SRD5A2: variants seen among roughly 807,000 people sequenced by gnomAD.
The protein encoded by SRD5A2 is 3-oxo-5-alpha-steroid 4-dehydrogenase 2.
SRD5A2 carries 30 observed loss-of-function variants against 27.4 expected under a neutral mutation model. The ratio of observed to expected loss-of-function variants is 1.10; its 90% CI spans 0.82 to 1.49. The LOEUF is 1.49. Among genes scored for constraint, SRD5A2 ranks in the 40% most tolerant of loss-of-function variants. The probability of loss-of-function intolerance (pLI) is 0.00; values close to 1 mark genes in which losing one functional copy is unlikely to be tolerated. For synonymous variants in SRD5A2, 141 were observed against 133.6 expected (o/e 1.06, Z -0.38); for missense variants, 348 against 323.4 (o/e 1.08, Z -0.58).
At chr2:31,655,011 AG>A in the SRD5A2 span, among the ~76,000 whole-genome samples, 6 of 152,338 alleles carry the variant, frequency 3.9e-5, no homozygotes, top group South Asian at 1.2e-3. Flanking sequence ...TGAGTCAAAT[AG>A]GAGGGGAAAT....
intron 1 of SRD5A2, among the ~76,000 whole-genome samples, chr2:31,550,197 T>C (rs1193909619): frequency 2.0e-5 from 3 of 152,072 alleles, no homozygotes; most frequent in Non-Finnish European, 4.4e-5. Context: ...ATCTTTGTTT[T>C]TTGTAACCAC....
At chr2:31,604,464 A>T in the SRD5A2 span, among the ~76,000 whole-genome samples, 2 of 151,962 alleles carry the variant, frequency 1.3e-5, no homozygotes, top group African/African-American at 4.8e-5. Context: ...AAGTTGCAGA[A>T]TACAAAATCA....
chr2:31,604,304 GAA>G, the SRD5A2 span, among the ~76,000 whole-genome samples: 1 of 151,648 alleles, frequency 6.6e-6, no homozygotes, highest in South Asian at 2.1e-4. Flanking sequence ...ACAAGAGAAA[GAA>G]ATACAGGGCC....
At chr2:31,588,433 T>C in the SRD5A2 span, among the ~76,000 whole-genome samples, 1 of 152,128 alleles carries the variant, frequency 6.6e-6, no homozygotes, top group Non-Finnish European at 1.5e-5. Flanking sequence ...GTCCTCACAG[T>C]AGAAACCTTA....
At chr2:31,583,444 A>G (rs1178373099), upstream of SRD5A2, among the ~76,000 whole-genome samples, 1 of 152,114 alleles carries the variant, frequency 6.6e-6, no homozygotes, top group Non-Finnish European at 1.5e-5. Context: ...ATTGGAACCA[A>G]TAATGCAACT....
the SRD5A2 span, among the ~76,000 whole-genome samples, chr2:31,590,732 T>G: frequency 1.3e-5 from 2 of 152,052 alleles, no homozygotes; most frequent in African/African-American, 4.8e-5. Flanking sequence ...CAAAACATAC[T>G]TATAGACCAA....
chr2:31,536,740 G>A (rs952822095), intron 1 of SRD5A2, among the ~76,000 whole-genome samples: 3 of 152,208 alleles, frequency 2.0e-5, no homozygotes, highest in African/African-American at 4.8e-5. Context: ...ACAGAAGCGG[G>A]AGAGAGTCTA....
At chr2:31,628,370 T>C in the SRD5A2 span, among the ~76,000 whole-genome samples, 3 of 152,260 alleles carry the variant, frequency 2.0e-5, no homozygotes, top group East Asian at 5.8e-4. Context: ...TGTTATTTCA[T>C]GTACAATGGG....
chr2:31,558,412 G>A (rs563216920), intron 1 of SRD5A2, among the ~76,000 whole-genome samples: 1 of 152,348 alleles, frequency 6.6e-6, no homozygotes, highest in African/African-American at 2.4e-5. Context: ...GGGGTTGGCA[G>A]AGCCATGCTT....
At chr2:31,534,984 C>A (rs28383041) in intron 1 of SRD5A2, among the ~76,000 whole-genome samples, 8 of 150,708 alleles carry the variant, frequency 5.3e-5, no homozygotes, top group Non-Finnish European at 8.8e-5. Context: ...GAGTGACTGG[C>A]AAAAGTATGC....
intron 1 of SRD5A2, among the ~76,000 whole-genome samples, chr2:31,542,309 A>T (rs1666144646): frequency 6.6e-6 from 1 of 152,236 alleles, no homozygotes; most frequent in Non-Finnish European, 1.5e-5. Flanking sequence ...AATAAAATTT[A>T]AAAGCCTAGG....
upstream of SRD5A2, among the ~76,000 whole-genome samples, chr2:31,585,291 G>C (rs1667156670): frequency 6.6e-6 from 1 of 152,126 alleles, no homozygotes; most frequent in Admixed American, 6.5e-5. Context: ...GTGGACTGAG[G>C]GGTGCAAAAT....
At chr2:31,649,736 G>T in the SRD5A2 span, among the ~76,000 whole-genome samples, 1 of 151,846 alleles carries the variant, frequency 6.6e-6, no homozygotes, top group African/African-American at 2.4e-5. Context: ...AGCATTTTTT[G>T]AATCTGTATA....
chr2:31,537,368 T>C (rs28383027), intron 1 of SRD5A2, among the ~76,000 whole-genome samples: 36 of 152,238 alleles, frequency 2.4e-4, no homozygotes, highest in Non-Finnish European at 4.1e-4. Flanking sequence ...CCTCCACTTC[T>C]TTCCTCCTTC....
chr2:31,560,704 T>C (rs1368160885), intron 1 of SRD5A2, among the ~76,000 whole-genome samples: 1 of 152,188 alleles, frequency 6.6e-6, no homozygotes, highest in East Asian at 1.9e-4. Context: ...TACTCCCCTT[T>C]CCCTGTTCCT....
In SRD5A2 at chr2:31,529,338, A is replaced by T. The variant is rs1359366304; in HGVS notation, c.667T>A (p.Phe223Ile). The T allele has an allele frequency of 3.1e-6, 5 of 1,613,944 alleles. No individual in the cohort carries two copies. Among genetic ancestry groups the T allele is most frequent in the Non-Finnish European group, 3.4e-6 (4 of 1,179,824 alleles). Reference sequence around the variant, plus strand: ...TGGTGAAAAGCTCGCAGCCCAAGGAAACAAAGTGAGAAAAATGCAAATGCA... The same window carrying T: ...TGGTGAAAAGCTCGCAGCCCAAGGATACAAAGTGAGAAAAATGCAAATGCA... ...ALAFAFFSLC[F>I]LGLRAFHHHR... Residue 223 changes from phenylalanine (F) to isoleucine (I), a missense_variant, in exon 4 of 5, where the codon TTC becomes ATC. By Grantham distance (21) the Phe-to-Ile change is conservative. Transcript: ENST00000622030.
intron 1 of SRD5A2, among the ~76,000 whole-genome samples, chr2:31,545,184 A>G (rs941988360): frequency 1.3e-5 from 2 of 151,110 alleles, no homozygotes; most frequent in Non-Finnish European, 3.0e-5. Flanking sequence ...AACTTTTCCA[A>G]AAAAAAAATG....
chr2:31,643,264 G>A, the SRD5A2 span, among the ~76,000 whole-genome samples: 1 of 152,058 alleles, frequency 6.6e-6, no homozygotes, highest in Non-Finnish European at 1.5e-5. Context: ...ACTACTCCTT[G>A]TGTCTTCTTG....
the SRD5A2 span, among the ~76,000 whole-genome samples, chr2:31,624,170 C>G: frequency 6.6e-6 from 1 of 151,888 alleles, no homozygotes; most frequent in South Asian, 2.1e-4. Flanking sequence ...GCATGGAATG[C>G]ATAATCACAT....
Sources: allele counts gnomAD v4.1 joint callset (sites outside exome capture counted in the v4.1 genomes callset), GRCh38; gene constraint gnomAD v4.1.1; transcripts MANE v1.5; gene names NCBI Gene and HGNC (gene_info 2026-07-23, HGNC 2026-07-21).